The following GRIA4 variants were observed in gnomAD, a reference collection of about 807,000 sequenced individuals.
GRIA4 encodes glutamate ionotropic receptor AMPA type subunit 4, also known as glutamate receptor 4.
In GRIA4, 34 loss-of-function variants were observed where a neutral mutation model predicts 104.0. The ratio of observed to expected loss-of-function variants is 0.33; its 90% CI spans 0.25 to 0.44. The LOEUF is 0.44. Among genes scored for constraint, GRIA4 ranks in the 20% least tolerant of loss-of-function variants. The pLI is 1.00. For missense variants in GRIA4, 750 were observed against 1,096.5 expected (o/e 0.68, Z 4.46); for synonymous variants, 386 against 381.9 (o/e 1.01, Z -0.13).
chr11:105,926,957 C>T lies in GRIA4; in HGVS notation c.2046+18C>T, dbSNP rs780586259. The T allele has an allele frequency of 5.3e-5, 81 of 1,526,650 alleles. No individual in the cohort carries two copies. Among genetic ancestry groups the T allele is most frequent in the Non-Finnish European group, 6.8e-5 (75 of 1,102,998 alleles). 94.6% of individuals were successfully genotyped at this position (1,526,650 alleles called of 1,614,324 possible). On this transcript the variant is annotated intron_variant, in intron 13 of 16. Transcript: ENST00000282499. The stretch of plus-strand genomic sequence containing the variant: ...TCTTCAGAGTAAGTTAAGGGAAAAA[C>T]TAAAAATGAAATGTTTATCATTTTG...
chr11:105,962,974 A>G (rs747421069), intron 14 of GRIA4, among the ~76,000 whole-genome samples: 1 of 152,160 alleles, frequency 6.6e-6, no homozygotes, highest in African/African-American at 2.4e-5. Context: ...AATCAGGGCA[A>G]GAATACCCCT....
chr11:105,682,948 T>G (rs770608647), intron 3 of GRIA4, among the ~76,000 whole-genome samples: 1 of 151,566 alleles, frequency 6.6e-6, no homozygotes, highest in Admixed American at 6.6e-5. Flanking sequence ...CCATCTATTA[T>G]TTTTGATAGG....
At chr11:105,888,702 GGAC>G (rs1946363817) in intron 6 of GRIA4, among the ~76,000 whole-genome samples, 2 of 152,014 alleles carry the variant, frequency 1.3e-5, no homozygotes, top group Admixed American at 6.6e-5. Context: ...TATGGCAAGT[GGAC>G]TGTCAGACTT....
chr11:105,837,753 AT>A (rs1029918885), intron 4 of GRIA4, among the ~76,000 whole-genome samples: 9 of 152,192 alleles, frequency 5.9e-5, no homozygotes, highest in African/African-American at 1.9e-4. Context: ...GATTTTAAAA[AT>A]TCTATTATTA....
chr11:105,699,627 A>G (rs1295011331), intron 3 of GRIA4, among the ~76,000 whole-genome samples: 1 of 151,934 alleles, frequency 6.6e-6, no homozygotes, highest in African/African-American at 2.4e-5. Flanking sequence ...GGTTTTATTT[A>G]TCTTTGTTTC....
intron 3 of GRIA4, among the ~76,000 whole-genome samples, chr11:105,642,618 A>G (rs1951404095): frequency 6.6e-6 from 1 of 151,582 alleles, no homozygotes; most frequent in African/African-American, 2.4e-5. Context: ...AGTTCCAGAA[A>G]ACACCAGATG....
chr11:105,748,683 C>T (rs2135680453), intron 3 of GRIA4, among the ~76,000 whole-genome samples: 1 of 152,196 alleles, frequency 6.6e-6, no homozygotes, highest in South Asian at 2.1e-4. Flanking sequence ...GCGCCCCGCC[C>T]CTAGAATCAC....
At chr11:105,701,768 A>C (rs1459207092) in intron 3 of GRIA4, among the ~76,000 whole-genome samples, 1 of 152,186 alleles carries the variant, frequency 6.6e-6, no homozygotes, top group Admixed American at 6.6e-5. Flanking sequence ...GCAGAAGAAC[A>C]AATGAATAAG....
Position 105,979,834 on chromosome 11 carries a change from C to T in GRIA4, c.*95C>T, listed in dbSNP as rs1297595673. The T allele has an allele frequency of 2.3e-6, 2 of 885,662 alleles. No homozygotes were observed. The highest frequency in any genetic ancestry group is 3.3e-5 in the African/African-American group (2 of 59,924). 54.9% of individuals were successfully genotyped at this position (885,662 alleles called of 1,614,324 possible). A position where few individuals can be genotyped will look rare whatever the true frequency, so the allele number is the denominator to read the frequency against. ...ACGCCACGCGCGGGTCTTTGCTAAA[C>T]CAATCCTTTGGCTGAGAGCGGGAAG... is the stretch of plus-strand genomic sequence containing the variant. On this transcript the variant is annotated 3_prime_UTR_variant, in exon 17 of 17. Coordinates refer to ENST00000282499, the MANE Select transcript of GRIA4 (RefSeq NM_000829.4).
In GRIA4 at chr11:105,933,987, A is replaced by G; in HGVS notation, c.2294+18A>G. 10 of 1,594,532 alleles carry G rather than the reference A, an allele frequency of 6.3e-6. No individual in the cohort carries two copies. Among genetic ancestry groups the G allele is most frequent in the Non-Finnish European group, 8.6e-6 (10 of 1,166,994 alleles). The stretch of plus-strand genomic sequence containing the variant: ...TCATTAAGGTGGGTGGAATAGTATA[A>G]CAATATAACATGTGTTGTTATAGTA... On this transcript the variant is annotated intron_variant, in intron 14 of 16. Coordinates refer to ENST00000282499, the MANE Select transcript of GRIA4 (RefSeq NM_000829.4).
chr11:105,722,198 T>G (rs1352054420), intron 3 of GRIA4, among the ~76,000 whole-genome samples: 4 of 152,188 alleles, frequency 2.6e-5, no homozygotes, highest in African/African-American at 9.6e-5. Flanking sequence ...AGTCCCTGAC[T>G]TTTTGTGGTT....
rs373898605 is a variant in GRIA4 at position 105,981,553 on chromosome 11, T to TCTCA, written c.*1815_*1816insTCAC. On this transcript the variant is annotated 3_prime_UTR_variant, in exon 17 of 17. Coordinates refer to ENST00000282499, the MANE Select transcript of GRIA4 (RefSeq NM_000829.4). Reference sequence around the variant, plus strand: ...TAAGAGCAATCTTAAACAGTATAAATCACACACACACACACACACACACAC... The same window carrying TCTCA: ...TAAGAGCAATCTTAAACAGTATAAATCTCACACACACACACACACACACACACAC... The TCTCA allele has an allele frequency of 7.5e-6, 1 of 134,020 alleles. No homozygotes were observed. Among genetic ancestry groups the TCTCA allele is most frequent in the Non-Finnish European group, 1.6e-5 (1 of 63,316 alleles). 8.3% of individuals were successfully genotyped at this position (134,020 alleles called of 1,614,324 possible).
intron 3 of GRIA4, among the ~76,000 whole-genome samples, chr11:105,622,552 C>T (rs1950774562): frequency 6.6e-6 from 1 of 150,846 alleles, no homozygotes; most frequent in East Asian, 1.9e-4. Flanking sequence ...CTATTATTTC[C>T]TTTTTTTTTC....
chr11:105,970,160 C>A (rs1858611771), intron 14 of GRIA4, among the ~76,000 whole-genome samples: 1 of 152,066 alleles, frequency 6.6e-6, no homozygotes, highest in African/African-American at 2.4e-5. Flanking sequence ...ATCCAAAAAA[C>A]AACATAATAT....
At chr11:105,671,405 G>T (rs1166477409) in intron 3 of GRIA4, among the ~76,000 whole-genome samples, 3 of 152,020 alleles carry the variant, frequency 2.0e-5, no homozygotes, top group Non-Finnish European at 4.4e-5. Context: ...GGCTGGGTGT[G>T]GTGGCTCACA....
intron 3 of GRIA4, among the ~76,000 whole-genome samples, chr11:105,704,495 T>C (rs1295990199): frequency 6.6e-6 from 1 of 152,000 alleles, no homozygotes; most frequent in Non-Finnish European, 1.5e-5. Context: ...ACCAGAAGAC[T>C]AAGCTCTTGG....
At chr11:105,859,339 G>A (rs1260688703) in intron 4 of GRIA4, among the ~76,000 whole-genome samples, 2 of 152,044 alleles carry the variant, frequency 1.3e-5, no homozygotes, top group Non-Finnish European at 2.9e-5. Context: ...TGATTAATGG[G>A]GCTTTTTAAG....
At chr11:105,656,540 A>C (rs1287806525) in intron 3 of GRIA4, among the ~76,000 whole-genome samples, 1 of 152,152 alleles carries the variant, frequency 6.6e-6, no homozygotes, top group African/African-American at 2.4e-5. Flanking sequence ...AATTAAACTA[A>C]AGAGCTTCTC....
intron 3 of GRIA4, among the ~76,000 whole-genome samples, chr11:105,688,156 C>CTATATCTATATCTATATCTATATCTCTA (rs373564678): frequency 1.7e-4 from 12 of 72,714 alleles, no homozygotes; most frequent in Non-Finnish European, 2.8e-4. Flanking sequence ...ATATCTATAT[C>CTATATCTATATCTATATCTATATCTCTA]TCTATCTATC....
Sources: allele counts gnomAD v4.1 joint callset (sites outside exome capture counted in the v4.1 genomes callset), GRCh38; gene constraint gnomAD v4.1.1; transcripts MANE v1.5; gene names NCBI Gene and HGNC (gene_info 2026-07-23, HGNC 2026-07-21).